Variants in CACYBP observed in about 807,000 individuals in gnomAD.
The protein encoded by CACYBP is calcyclin binding protein.
Under a neutral mutation model 29.6 loss-of-function variants are expected in CACYBP, and 11 were observed. The ratio of observed to expected loss-of-function variants is 0.37; its 90% confidence interval spans 0.23 to 0.61. The LOEUF is 0.61. Among genes scored for constraint, CACYBP ranks in the 20% least tolerant of loss-of-function variants. The pLI, the probability that CACYBP is intolerant of heterozygous loss-of-function variation, is 0.65. For synonymous variants in CACYBP, 73 were observed against 88.3 expected, an observed-to-expected ratio of 0.83 and a Z score of 0.97; for missense variants, 163 against 260.7, an observed-to-expected ratio of 0.63 and a Z score of 2.58.
chr1:175,002,944 A>T (rs1032865712), intron 1 of CACYBP, among the ~76,000 whole-genome samples: 1 of 152,174 alleles, frequency 6.6e-6, no homozygotes, highest in African/African-American at 2.4e-5. Context: ...TTTATTATGA[A>T]TTAGGAGTTG....
rs1262896675 is a variant in CACYBP, at chr1:175,011,823, G to A, written c.*1744G>A. The A allele has an allele frequency of 6.6e-6, 1 of 152,232 alleles. No homozygotes were observed. Among genetic ancestry groups the A allele is most frequent in the African/African-American group, 2.4e-5 (1 of 41,430 alleles). The allele number at this position is 152,232 out of a possible 1,614,324, so 9.4% of individuals were successfully genotyped here. Reference sequence around the variant, plus strand: ...AAACTTTGGTTAACAAGAATATTTGGGCAGGTGCAGTGGCTCACACCTGTA... The same window carrying A: ...AAACTTTGGTTAACAAGAATATTTGAGCAGGTGCAGTGGCTCACACCTGTA... On this transcript the variant is annotated 3_prime_UTR_variant, in exon 6 of 6. Coordinates refer to ENST00000367679, the MANE Select transcript of CACYBP (RefSeq NM_014412.3).
intron 1 of CACYBP, among the ~76,000 whole-genome samples, chr1:175,001,228 G>C (rs185441747): frequency 6.6e-5 from 10 of 152,248 alleles, no homozygotes; most frequent in East Asian, 5.8e-4. Flanking sequence ...TCTTGCAGGT[G>C]GATAGCTCAG....
At chr1:175,003,356 T>G (rs907414698) in intron 1 of CACYBP, among the ~76,000 whole-genome samples, 1 of 152,190 alleles carries the variant, frequency 6.6e-6, no homozygotes, top group Non-Finnish European at 1.5e-5. Context: ...TAACCTCAAG[T>G]GATCCACCCG....
At chr1:175,009,898 T>A in intron 5 of CACYBP, 25 bp from the exon 6 acceptor site, 1 of 1,583,774 alleles carries the variant, frequency 6.3e-7, no homozygotes, top group Non-Finnish European at 8.6e-7. Flanking sequence ...GTTTCCCCAT[T>A]GTTGTATATG....
chr1:175,007,317 T>C, intron 4 of CACYBP, 120 bp downstream of exon 4: 1 of 641,674 alleles, frequency 1.6e-6, no homozygotes, highest in South Asian at 1.9e-5. Context: ...CCGCCTGTTT[T>C]GTGAATGTTT....
At chr1:175,006,984 C>T (rs372155098) in intron 3 of CACYBP, 114 bp from the exon 4 acceptor site, 9 of 854,956 alleles carry the variant, frequency 1.1e-5, no homozygotes, top group African/African-American at 1.0e-4. Flanking sequence ...TGAGCGTTAA[C>T]TGGCCAAATG....
Position 175,000,079 on chromosome 1 carries a change from G to C in CACYBP, c.-102G>C, listed in dbSNP as rs1672426459. On this transcript the variant is annotated 5_prime_UTR_variant, in exon 1 of 6. Transcript: ENST00000367679. ...GGCGCAGGCTGCAGCGCCGCGACTC[G>C]TGCGGGTAGGCGTCTGCGCTCGGTT... 7 of 1,481,436 alleles carry C rather than the reference G, an allele frequency of 4.7e-6. No individual in the cohort carries two copies. Among genetic ancestry groups the C allele is most frequent in the East Asian group, 2.5e-5 (1 of 40,472 alleles). The allele number at this position is 1,481,436 out of a possible 1,614,324, so 91.8% of individuals were successfully genotyped here. A position where few individuals can be genotyped will look rare whatever the true frequency, so the allele number is the denominator to read the frequency against.
chr1:175,007,646 T>C (rs1180794756), intron 4 of CACYBP, among the ~76,000 whole-genome samples: 1 of 152,236 alleles, frequency 6.6e-6, no homozygotes, highest in Non-Finnish European at 1.5e-5. Flanking sequence ...TCTGCATTTA[T>C]GCGATAGTAA....
chr1:175,000,212 C>A lies in CACYBP; in HGVS notation c.15+17C>A. 2 of 1,602,866 alleles carry A rather than the reference C, an allele frequency of 1.2e-6. No homozygotes were observed. The highest frequency in any genetic ancestry group is 2.3e-5 in the East Asian group (1 of 43,956). ...TCAGAAGAGGTAAGTGGTCCGGCCC[C>A]ATATTCCTTATGCCCCCCGGCTGGA... is the stretch of plus-strand genomic sequence containing the variant. On this transcript the variant is annotated intron_variant, in intron 1 of 5. Coordinates refer to ENST00000367679, the MANE Select transcript of CACYBP (RefSeq NM_014412.3).
rs1672746052 is a variant in CACYBP at position 175,011,214 on chromosome 1, T to TA, written c.*1139dup. On this transcript the variant is annotated 3_prime_UTR_variant, in exon 6 of 6. Coordinates refer to ENST00000367679, the MANE Select transcript of CACYBP (RefSeq NM_014412.3). Reference sequence around the variant, plus strand: ...GGAATTTGGAAGAAGTGGTAGGATTTAAAATACAGAAACAGTTTATGTATA... The same window carrying TA: ...GGAATTTGGAAGAAGTGGTAGGATTTAAAAATACAGAAACAGTTTATGTATA... 2 of 151,140 alleles carry TA rather than the reference T, an allele frequency of 1.3e-5. No individual in the cohort carries two copies. The allele number at this position is 151,140 out of a possible 1,614,324, so 9.4% of individuals were successfully genotyped here.
At chr1:175,004,089 A>G (rs986020323) in intron 1 of CACYBP, among the ~76,000 whole-genome samples, 11 of 151,802 alleles carry the variant, frequency 7.2e-5, no homozygotes, top group African/African-American at 2.7e-4. Flanking sequence ...GACTTTTTTT[A>G]TGTGAGGTAT....
intron 1 of CACYBP, among the ~76,000 whole-genome samples, chr1:175,003,941 A>G (rs1672554791): frequency 1.3e-5 from 2 of 152,222 alleles, no homozygotes; most frequent in African/African-American, 4.8e-5. Flanking sequence ...TTCCAAGAGT[A>G]TGTTGCATTT....
In CACYBP at chr1:175,011,106, T is replaced by TAAAAAAAA. The variant is rs535813233; in HGVS notation, c.*1041_*1048dup. 5.9e-5 allele frequency: 5 copies of TAAAAAAAA among 85,232 alleles called. No individual in the cohort carries two copies. Among genetic ancestry groups the TAAAAAAAA allele is most frequent in the African/African-American group, 4.7e-5 (1 of 21,258 alleles). 5.3% of individuals were successfully genotyped at this position (85,232 alleles called of 1,614,324 possible). ...GTAACAGATTGAGAACCTGTCTCAT[T>TAAAAAAAA]AAAAAAAAAAAAAAAAAAAAAGCCG... is the stretch of plus-strand genomic sequence containing the variant. On this transcript the variant is annotated 3_prime_UTR_variant, in exon 6 of 6. Coordinates refer to ENST00000367679, the MANE Select transcript of CACYBP (RefSeq NM_014412.3).
chr1:175,004,978 T>C, intron 2 of CACYBP, 145 bp downstream of exon 2: 2 of 698,824 alleles, frequency 2.9e-6, no homozygotes, highest in South Asian at 3.2e-5. Context: ...AATAAAACTT[T>C]TTTAAGATAT....
intron 2 of CACYBP, 168 bp from the exon 3 acceptor site, chr1:175,006,577 A>G: frequency 1.9e-6 from 1 of 520,930 alleles, no homozygotes; most frequent in Non-Finnish European, 3.4e-6. Context: ...AACTGCTTTG[A>G]GGCTCCATTT....
In CACYBP at chr1:175,000,145, G is replaced by A. The variant is rs199809264; in HGVS notation, c.-36G>A. ...GGGTTTCCTGTTCCTCCTTCTGCGC[G>A]GCTGCAGCTCGGGACTTCGGCCTGA... On this transcript the variant is annotated 5_prime_UTR_variant, in exon 1 of 6. Coordinates refer to ENST00000367679, the MANE Select transcript of CACYBP (RefSeq NM_014412.3). The A allele has an allele frequency of 1.3e-5, 20 of 1,597,718 alleles. No homozygotes were observed. The highest frequency in any genetic ancestry group is 1.7e-5 in the Admixed American group (1 of 58,022).
rs1273739706 is a variant in CACYBP at position 175,011,844 on chromosome 1, CTG to C, written c.*1767_*1768del. On this transcript the variant is annotated 3_prime_UTR_variant, in exon 6 of 6. Transcript: ENST00000367679. ...TTTGGGCAGGTGCAGTGGCTCACAC[CTG>C]TAATCCCAACACCTTGGGAGGCCAA... 11 of 152,278 alleles carry C rather than the reference CTG, an allele frequency of 7.2e-5. No individual in the cohort carries two copies. The highest frequency in any genetic ancestry group is 2.7e-4 in the African/African-American group (11 of 41,456). The allele number at this position is 152,278 out of a possible 1,614,324, so 9.4% of individuals were successfully genotyped here.
chr1:175,005,802 CGGA>C (rs1047381381), intron 2 of CACYBP, among the ~76,000 whole-genome samples: 1 of 152,026 alleles, frequency 6.6e-6, no homozygotes, highest in African/African-American at 2.4e-5. Flanking sequence ...CTTGTCAATC[CGGA>C]GGATGGACTG....
intron 1 of CACYBP, chr1:175,000,587 G>A (rs993706022): frequency 1.8e-6 from 2 of 1,113,296 alleles, no homozygotes; most frequent in Admixed American, 5.2e-5. Context: ...TCTTGGTAGA[G>A]GGCGGTTGGA....
Sources: allele counts gnomAD v4.1 joint callset (sites outside exome capture counted in the v4.1 genomes callset), GRCh38; gene constraint gnomAD v4.1.1; transcripts MANE v1.5; gene names NCBI Gene and HGNC (gene_info 2026-07-23, HGNC 2026-07-21).